The following FMN1 variants were observed in gnomAD, a reference collection of about 807,000 sequenced individuals.
The protein encoded by FMN1 is formin-1.
In FMN1, 110 loss-of-function variants were observed where a neutral mutation model predicts 132.4. The ratio of observed to expected loss-of-function variants is 0.83; its 90% CI spans 0.71 to 0.97. The LOEUF is 0.97. FMN1 is among the 50% of genes least tolerant of loss of function. The pLI, the probability that FMN1 is intolerant of heterozygous loss-of-function variation, is 0.00. For missense variants in FMN1, 1,792 were observed against 1,705.3 expected (o/e 1.05, Z -0.90); for synonymous variants, 722 against 651.7 (o/e 1.11, Z -1.64).
At chr15:33,100,040 G>A (rs2039235556) in intron 4 of FMN1, among the ~76,000 whole-genome samples, 1 of 152,058 alleles carries the variant, frequency 6.6e-6, no homozygotes, top group Admixed American at 6.5e-5. Context: ...GTCCAAAAGA[G>A]GAATGCTTCC....
chr15:33,114,675 GTAAA>G (rs746443818), intron 4 of FMN1, among the ~76,000 whole-genome samples: 37 of 152,274 alleles, frequency 2.4e-4, no homozygotes, highest in Non-Finnish European at 4.4e-4. Flanking sequence ...GAGCCTGTGG[GTAAA>G]TAGTCACAAC....
At chr15:33,048,323 G>A (rs1239648049) in intron 6 of FMN1, among the ~76,000 whole-genome samples, 2 of 152,026 alleles carry the variant, frequency 1.3e-5, no homozygotes, top group Non-Finnish European at 1.5e-5. Context: ...ATAAAGAAAT[G>A]AGATTATATA....
rs1226727894 is a variant in FMN1, at chr15:32,767,707, T to C, written c.*6603A>G. The stretch of plus-strand genomic sequence containing the variant: ...ACATCTAGCTGACAGTAGGGTCATA[T>C]TACTTATGCCTTGGGAAATTACAGA... On this transcript the variant is annotated 3_prime_UTR_variant, in exon 21 of 21. Transcript: ENST00000616417. 4 of 152,226 alleles carry C rather than the reference T, an allele frequency of 2.6e-5. No homozygotes were observed. The highest frequency in any genetic ancestry group is 2.0e-4 in the Admixed American group (3 of 15,280). The allele number at this position is 152,226 out of a possible 1,614,324, so 9.4% of individuals were successfully genotyped here.
chr15:32,898,330 C>G (rs1331126839), intron 15 of FMN1, among the ~76,000 whole-genome samples: 1 of 152,210 alleles, frequency 6.6e-6, no homozygotes, highest in Non-Finnish European at 1.5e-5. Context: ...ATAGAAAATT[C>G]TGCTCAGATG....
At chr15:33,179,983 T>C (rs1341384257) in intron 3 of FMN1, among the ~76,000 whole-genome samples, 5 of 152,176 alleles carry the variant, frequency 3.3e-5, no homozygotes, top group African/African-American at 1.2e-4. Flanking sequence ...GCGTAAATAC[T>C]TACTTTATTT....
chr15:32,797,110 CTTCTGG>C (rs1323321202), intron 19 of FMN1, among the ~76,000 whole-genome samples: 30 of 152,214 alleles, frequency 2.0e-4, no homozygotes, highest in African/African-American at 6.5e-4. Context: ...TTTTGAAGGA[CTTCTGG>C]ATACCACCTC....
rs1386445998 is a variant in FMN1, at chr15:32,768,443, T to C, written c.*5867A>G. The C allele has an allele frequency of 6.6e-6, 1 of 152,222 alleles. No individual in the cohort carries two copies. Among genetic ancestry groups the C allele is most frequent in the African/African-American group, 2.4e-5 (1 of 41,456 alleles). The allele number at this position is 152,222 out of a possible 1,614,324, so 9.4% of individuals were successfully genotyped here. ...GAAATCTGATTTCCTTCTTGATGTA[T>C]TAAGATAATGCATTGGCAGCTCACA... On this transcript the variant is annotated 3_prime_UTR_variant, in exon 21 of 21. Transcript: ENST00000616417.
Position 33,064,719 on chromosome 15 carries a change from C to T in FMN1, c.2161+238G>A, listed in dbSNP as rs1285605006. 1.3e-5 allele frequency: 4 copies of T among 315,768 alleles called. No homozygotes were observed. The East Asian group carries it at 2.4e-4, about 19-fold the overall frequency. 19.6% of individuals were successfully genotyped at this position (315,768 alleles called of 1,614,324 possible). On this transcript the variant is annotated intron_variant, in intron 6 of 20. Coordinates refer to ENST00000616417, the MANE Select transcript of FMN1 (RefSeq NM_001277313.2). Reference sequence around the variant, plus strand: ...CTCCATCAGGTCCCCCAAGGTTCTCCTACTTCACACACATTCCCCCTTTCA... The same window carrying T: ...CTCCATCAGGTCCCCCAAGGTTCTCTTACTTCACACACATTCCCCCTTTCA...
chr15:33,047,001 C>T (rs1368111313), intron 6 of FMN1, among the ~76,000 whole-genome samples: 2 of 152,148 alleles, frequency 1.3e-5, no homozygotes, highest in Non-Finnish European at 2.9e-5. Flanking sequence ...TGCTGCAGTT[C>T]CCTGAAACAA....
chr15:32,884,106 C>T (rs1301691980), intron 16 of FMN1, among the ~76,000 whole-genome samples: 2 of 152,174 alleles, frequency 1.3e-5, no homozygotes, highest in Non-Finnish European at 2.9e-5. Context: ...AAGAAGAGTC[C>T]ACTCCTTGGT....
At chr15:32,784,809 C>T (rs775821434) in intron 19 of FMN1, among the ~76,000 whole-genome samples, 2 of 152,166 alleles carry the variant, frequency 1.3e-5, no homozygotes, top group Non-Finnish European at 2.9e-5. Context: ...CAGAGATTGC[C>T]TCACATTTCA....
At chr15:32,972,258 C>T (rs1038819725) in intron 7 of FMN1, among the ~76,000 whole-genome samples, 1 of 152,108 alleles carries the variant, frequency 6.6e-6, no homozygotes, top group Non-Finnish European at 1.5e-5. Context: ...AGCCCCATGC[C>T]CTCTACTGTC....
At chr15:32,927,190 G>T (rs1322530156) in intron 9 of FMN1, among the ~76,000 whole-genome samples, 1 of 152,060 alleles carries the variant, frequency 6.6e-6, no homozygotes, top group African/African-American at 2.4e-5. Flanking sequence ...TTTCAGAGAG[G>T]TTACTTCCTA....
intron 17 of FMN1, among the ~76,000 whole-genome samples, chr15:32,839,417 C>T (rs965425982): frequency 2.0e-5 from 3 of 152,080 alleles, no homozygotes; most frequent in African/African-American, 7.2e-5. Context: ...TACACTAGTT[C>T]CCATTTTAGT....
At chr15:32,870,720 G>A (rs772798761) in intron 16 of FMN1, among the ~76,000 whole-genome samples, 5 of 152,096 alleles carry the variant, frequency 3.3e-5, no homozygotes, top group Non-Finnish European at 7.4e-5. Context: ...TACCCATGAC[G>A]AGGCCTAAAT....
In FMN1 at chr15:32,774,318, T is replaced by C. The variant is rs1377081000; in HGVS notation, c.4252A>G (p.Thr1418Ala). Residue 1418 changes from threonine (T) to alanine (A), a missense_variant, in exon 21 of 21, where the codon ACT becomes GCT. By Grantham distance (58) the Thr-to-Ala change is moderately conservative. Transcript: ENST00000616417. ...TTCCATGTGTCTTCATCTTAGTTAGTGGTCACACTGGCTTCCTTCTGACGC... is the reference window on the plus strand; with the variant it reads ...TTCCATGTGTCTTCATCTTAGTTAGCGGTCACACTGGCTTCCTTCTGACGC... ...RLRQKEASVT[T>A]N is the part of the protein sequence containing the mutation. 1 of 1,604,236 alleles carries C rather than the reference T, an allele frequency of 6.2e-7. No individual in the cohort carries two copies. The highest frequency in any genetic ancestry group is 1.3e-5 in the African/African-American group (1 of 74,942).
intron 6 of FMN1, among the ~76,000 whole-genome samples, chr15:33,044,721 G>A (rs1002794789): frequency 1.3e-5 from 2 of 152,098 alleles, no homozygotes; most frequent in African/African-American, 4.8e-5. Context: ...ATGACCAGCT[G>A]CAGGAGCTAC....
intron 6 of FMN1, among the ~76,000 whole-genome samples, chr15:33,036,339 T>A (rs1007454620): frequency 6.6e-6 from 1 of 152,212 alleles, no homozygotes; most frequent in Non-Finnish European, 1.5e-5. Flanking sequence ...GATGAGTGCC[T>A]ACTATATGAC....
At chr15:33,148,102 T>G (rs71462849) in intron 4 of FMN1, among the ~76,000 whole-genome samples, 5,058 of 152,268 alleles carry the variant, frequency 0.033, 138 homozygotes, top group Middle Eastern at 0.058. Flanking sequence ...TAATAATCAT[T>G]TAAGTATTAA....
Sources: gnomAD v4.1 joint callset for allele counts (sites outside exome capture counted in the v4.1 genomes callset) on GRCh38, gnomAD v4.1.1 for gene constraint, MANE v1.5 for transcripts, NCBI Gene and HGNC (gene_info 2026-07-23, HGNC 2026-07-21) for gene names.